Variants in ENTHD1 observed in about 807,000 individuals in gnomAD.
ENTHD1 encodes the protein ENTH domain-containing protein 1.
A neutral mutation model predicts 39.1 loss-of-function variants in ENTHD1; 23 were observed. The observed-to-expected ratio is 0.59, with a 90% CI of 0.42 to 0.83. The LOEUF is 0.83. Among genes scored for constraint, ENTHD1 ranks in the 40% least tolerant of loss-of-function variants. The pLI, the probability that ENTHD1 is intolerant of heterozygous loss-of-function variation, is 0.00. For missense variants in ENTHD1, 624 were observed against 705.4 expected (o/e 0.88, Z 1.31); for synonymous variants, 230 against 258.2 (o/e 0.89, Z 1.05).
Position 39,882,313 on chromosome 22 carries a change from G to C in ENTHD1, c.349+5087C>G, listed in dbSNP as rs11912795. On this transcript the variant is annotated intron_variant, in intron 2 of 6. Coordinates refer to ENST00000325157, the MANE Select transcript of ENTHD1 (RefSeq NM_152512.4). ...AATTAATTCTGCCCATTGAGGGAAA[G>C]AGTAGTTGGGGATAGAGGGAAAAAG... is the stretch of plus-strand genomic sequence containing the variant. Among the ~76,000 whole-genome samples the C allele has an allele frequency of 5.2e-3, 789 of 152,298 alleles. 10 individuals carry two copies. The highest frequency in any genetic ancestry group is 0.018 in the African/African-American group (752 of 41,562).
At chr22:39,766,646 T>C (rs911420092) in intron 5 of ENTHD1, among the ~76,000 whole-genome samples, 8 of 152,238 alleles carry the variant, frequency 5.3e-5, no homozygotes, top group African/African-American at 1.9e-4. Context: ...TGAGTGATTA[T>C]ACATCACAAT....
intron 1 of ENTHD1, among the ~76,000 whole-genome samples, chr22:39,890,386 T>G (rs951634983): frequency 6.6e-6 from 1 of 152,072 alleles, no homozygotes; most frequent in African/African-American, 2.4e-5. Flanking sequence ...TTGTCCTTTT[T>G]TTCCTTCTAC....
At chr22:39,797,327 T>G (rs1042837823) in intron 5 of ENTHD1, among the ~76,000 whole-genome samples, 28 of 152,242 alleles carry the variant, frequency 1.8e-4, no homozygotes, top group Admixed American at 1.6e-3. Flanking sequence ...TCAGTCTATA[T>G]CATTTAAGCA....
Position 39,835,855 on chromosome 22 carries a change from A to T in ENTHD1, c.696T>A (p.Gly232=). ...SQETLPLKIH[G]WKSTEDLMTF... ...ATAGACTTACCTCTGTTGATTTCCA[A>T]CCATGAATCTTGAGTGGAAGTGTTT... Residue 232 remains glycine, a synonymous_variant, in exon 4 of 7, where the codon GGT becomes GGA. Coordinates refer to ENST00000325157, the MANE Select transcript of ENTHD1 (RefSeq NM_152512.4). 6.2e-7 allele frequency: 1 copy of T among 1,607,638 alleles called. No homozygotes were observed. Among genetic ancestry groups the T allele is most frequent in the Non-Finnish European group, 8.5e-7 (1 of 1,176,262 alleles).
At chr22:39,759,701 A>G (rs1319657698) in intron 6 of ENTHD1, among the ~76,000 whole-genome samples, 1 of 151,986 alleles carries the variant, frequency 6.6e-6, no homozygotes, top group African/African-American at 2.4e-5. Context: ...TTCTCATATA[A>G]GCATTTAAAG....
intron 3 of ENTHD1, among the ~76,000 whole-genome samples, chr22:39,860,774 AT>A (rs1250999561): frequency 2.0e-5 from 3 of 152,236 alleles, no homozygotes; most frequent in African/African-American, 7.2e-5. Flanking sequence ...CAAGCTGTCC[AT>A]TTCTCATACA....
At chr22:39,848,516 T>A (rs2066009406) in intron 3 of ENTHD1, among the ~76,000 whole-genome samples, 1 of 152,164 alleles carries the variant, frequency 6.6e-6, no homozygotes. Context: ...CCTCCCAAAG[T>A]GCTGGGATTA....
At chr22:39,824,006 G>C (rs2065804508) in intron 4 of ENTHD1, among the ~76,000 whole-genome samples, 1 of 152,046 alleles carries the variant, frequency 6.6e-6, no homozygotes. Context: ...TTTTAAACTG[G>C]TGAGTTTTAA....
intron 5 of ENTHD1, among the ~76,000 whole-genome samples, chr22:39,819,687 A>G (rs969091404): frequency 6.6e-6 from 1 of 152,180 alleles, no homozygotes; most frequent in African/African-American, 2.4e-5. Flanking sequence ...CATTTGTCCA[A>G]ACCCACAGAA....
intron 3 of ENTHD1, among the ~76,000 whole-genome samples, chr22:39,841,465 G>C (rs536356342): frequency 3.3e-5 from 5 of 151,580 alleles, no homozygotes; most frequent in Middle Eastern, 6.8e-3. Context: ...TCTTCTTGTT[G>C]AATTGATCCC....
chr22:39,825,388 A>G (rs1352883287), intron 4 of ENTHD1, among the ~76,000 whole-genome samples: 2 of 152,174 alleles, frequency 1.3e-5, no homozygotes, highest in African/African-American at 2.4e-5. Flanking sequence ...CATGAGAGAT[A>G]TTAGTCTGTA....
chr22:39,846,700 AAAAC>A (rs1230738439), intron 3 of ENTHD1, among the ~76,000 whole-genome samples: 5 of 152,316 alleles, frequency 3.3e-5, no homozygotes, highest in South Asian at 2.1e-4. Context: ...TTACAAGAAA[AAAAC>A]AAACAACCCC....
At chr22:39,859,386 C>A (rs1442777170) in intron 3 of ENTHD1, among the ~76,000 whole-genome samples, 1 of 152,204 alleles carries the variant, frequency 6.6e-6, no homozygotes, top group Non-Finnish European at 1.5e-5. Flanking sequence ...CTGTTTGGCA[C>A]AAGAGGCCTA....
At chr22:39,825,046 CCATGTAA>C (rs1050543534) in intron 4 of ENTHD1, among the ~76,000 whole-genome samples, 12 of 152,270 alleles carry the variant, frequency 7.9e-5, no homozygotes, top group Admixed American at 7.8e-4. Context: ...GTCTTCCAAT[CCATGTAA>C]CATGATAGGT....
chr22:39,835,712 CA>C, intron 4 of ENTHD1, 127 bp downstream of exon 4: 1 of 554,748 alleles, frequency 1.8e-6, no homozygotes, highest in East Asian at 3.0e-5. Flanking sequence ...GCCCTACGGA[CA>C]CCTTGATTTT....
chr22:39,813,971 G>A (rs2065713107), intron 5 of ENTHD1, among the ~76,000 whole-genome samples: 2 of 151,862 alleles, frequency 1.3e-5, no homozygotes, highest in Non-Finnish European at 2.9e-5. Context: ...AAATACATAA[G>A]TACCTAGGAC....
intron 6 of ENTHD1, among the ~76,000 whole-genome samples, chr22:39,754,946 T>C (rs866418172): frequency 6.6e-5 from 10 of 152,236 alleles, no homozygotes; most frequent in African/African-American, 2.2e-4. Flanking sequence ...CTATCATCTG[T>C]CTGGCTTAAT....
intron 2 of ENTHD1, among the ~76,000 whole-genome samples, chr22:39,864,043 G>A (rs1012352007): frequency 2.0e-5 from 3 of 152,096 alleles, no homozygotes; most frequent in South Asian, 4.1e-4. Context: ...TCCATAACCC[G>A]AATTTCCACA....
intron 2 of ENTHD1, among the ~76,000 whole-genome samples, chr22:39,886,722 C>A (rs1258934997): frequency 2.0e-5 from 3 of 152,136 alleles, no homozygotes; most frequent in Non-Finnish European, 4.4e-5. Context: ...GAATATCAGG[C>A]ACTACTGAAT....
Sources: gnomAD v4.1 joint callset for allele counts (sites outside exome capture counted in the v4.1 genomes callset) on GRCh38, gnomAD v4.1.1 for gene constraint, MANE v1.5 for transcripts, NCBI Gene and HGNC (gene_info 2026-07-23, HGNC 2026-07-21) for gene names.